Variants in ARNT2 observed in about 807,000 individuals in gnomAD.
ARNT2 encodes aryl hydrocarbon receptor nuclear translocator 2.
ARNT2 carries 36 observed loss-of-function variants against 91.7 expected under a neutral mutation model. The observed-to-expected ratio is 0.39, with a 90% CI of 0.30 to 0.52. The LOEUF is 0.52. Ranked by LOEUF, ARNT2 falls within the 20% of genes least tolerant of loss-of-function variation. The pLI, the probability that ARNT2 is intolerant of heterozygous loss-of-function variation, is 0.72. For missense variants in ARNT2, 775 were observed against 939.3 expected (o/e 0.83, Z 2.29); for synonymous variants, 365 against 347.1 (o/e 1.05, Z -0.57).
At position 80,404,632 on chromosome 15, in the gene ARNT2, C is replaced by T. The variant is rs1359823923; in HGVS notation, c.31+86C>T. 14 of 919,786 alleles carry T rather than the reference C, an allele frequency of 1.5e-5. No individual in the cohort carries two copies. The highest frequency in any genetic ancestry group is 1.7e-5 in the Non-Finnish European group (13 of 765,714). The allele number at this position is 919,786 out of a possible 1,614,324, so 57.0% of individuals were successfully genotyped here. A position where few individuals can be genotyped will look rare whatever the true frequency, so the allele number is the denominator to read the frequency against. The stretch of plus-strand genomic sequence containing the variant: ...GCGGACCAGGCGCGCCGGGCGCCCC[C>T]GGGGGCGCGGAGCCGCAGCTCGGCG... On this transcript the variant is annotated intron_variant, in intron 1 of 18. Transcript: ENST00000303329. This position sits in a 1 kb window ranked among gnomAD's most constrained non-coding sequence, Gnocchi z 5.5.
chr15:80,576,829 G>A (rs761712225), intron 14 of ARNT2, 37 bp from the exon 15 acceptor site: 2 of 1,608,376 alleles, frequency 1.2e-6, no homozygotes, highest in Non-Finnish European at 1.7e-6. Context: ...GCAGAGCAGG[G>A]AACCTTCGCA....
At chr15:80,467,020 A>G (rs1312627867) in intron 3 of ARNT2, among the ~76,000 whole-genome samples, 1 of 152,232 alleles carries the variant, frequency 6.6e-6, no homozygotes, top group Non-Finnish European at 1.5e-5. Flanking sequence ...CTATGGGACA[A>G]GCTCTTTGGA....
intron 11 of ARNT2, among the ~76,000 whole-genome samples, chr15:80,557,311 G>A (rs996346385): frequency 9.2e-5 from 14 of 151,800 alleles, no homozygotes; most frequent in Non-Finnish European, 1.8e-4. Flanking sequence ...ATGCCCCAGG[G>A]ATCTCCCCTT....
intron 5 of ARNT2, among the ~76,000 whole-genome samples, chr15:80,495,942 A>ACT (rs1897121622): frequency 6.6e-6 from 1 of 152,004 alleles, no homozygotes; most frequent in Non-Finnish European, 1.5e-5. Context: ...AACATGAAGC[A>ACT]CTCTCTCTGT....
chr15:80,508,894 T>C (rs1021255470), intron 6 of ARNT2, among the ~76,000 whole-genome samples: 18 of 152,188 alleles, frequency 1.2e-4, no homozygotes, highest in African/African-American at 4.3e-4. Flanking sequence ...AAGAGAGAGC[T>C]GGGATCTTGA....
chr15:80,410,867 C>G (rs1443424136), intron 1 of ARNT2, among the ~76,000 whole-genome samples: 1 of 151,990 alleles, frequency 6.6e-6, no homozygotes, highest in African/African-American at 2.4e-5. Context: ...CTCTCTTTCT[C>G]TTTCCCTCCT....
chr15:80,437,237 C>T (rs998876054), intron 1 of ARNT2, among the ~76,000 whole-genome samples: 1 of 152,192 alleles, frequency 6.6e-6, no homozygotes, highest in Non-Finnish European at 1.5e-5. Context: ...AGGAACTGCA[C>T]GCTCGTCAGG....
At chr15:80,422,240 G>A (rs1378373990) in intron 1 of ARNT2, among the ~76,000 whole-genome samples, 2 of 152,136 alleles carry the variant, frequency 1.3e-5, no homozygotes, top group African/African-American at 2.4e-5. Context: ...CAAATTCCAA[G>A]CGAGATAAAT....
At chr15:80,480,594 T>C (rs1235930189) in intron 5 of ARNT2, among the ~76,000 whole-genome samples, 1 of 152,196 alleles carries the variant, frequency 6.6e-6, no homozygotes, top group Non-Finnish European at 1.5e-5. Context: ...TTCCCCTGCA[T>C]CATACTTCCA....
chr15:80,499,329 TGTAAAAC>T (rs1897161329), intron 5 of ARNT2, among the ~76,000 whole-genome samples: 1 of 152,140 alleles, frequency 6.6e-6, no homozygotes, highest in African/African-American at 2.4e-5. Context: ...CTGTAACACA[TGTAAAAC>T]GTTTCAGAAT....
chr15:80,476,157 G>T (rs1849744235), intron 5 of ARNT2, among the ~76,000 whole-genome samples: 2 of 152,194 alleles, frequency 1.3e-5, no homozygotes, highest in Admixed American at 6.5e-5. Context: ...CTTAAGAGGT[G>T]GTCTCAGAAG....
At chr15:80,587,918 C>T (rs1893205551) in intron 17 of ARNT2, among the ~76,000 whole-genome samples, 2 of 152,174 alleles carry the variant, frequency 1.3e-5, no homozygotes, top group African/African-American at 4.8e-5. Flanking sequence ...AGGTCCAGAT[C>T]GTGAAGGATC....
chr15:80,575,464 G>A lies in ARNT2; in HGVS notation c.1513+354G>A, dbSNP rs114353490. 3.4e-3 allele frequency among the ~76,000 whole-genome samples: 517 copies of A among 152,308 alleles called. 2 individuals carry two copies. The highest frequency in any genetic ancestry group is 0.011 in the African/African-American group (448 of 41,554). On this transcript the variant is annotated intron_variant, in intron 14 of 18. Transcript: ENST00000303329. ...GCACCCTCGATGACCGAAGGAGGGA[G>A]AACTGTCACATTGGAGCCTGCTGTC...
chr15:80,545,575 G>C (rs1438105784), intron 8 of ARNT2, among the ~76,000 whole-genome samples: 2 of 152,206 alleles, frequency 1.3e-5, no homozygotes, highest in African/African-American at 4.8e-5. Context: ...AAGCAGACAG[G>C]TTTGGTGTCC....
chr15:80,445,951 A>G (rs1248333383), intron 1 of ARNT2, among the ~76,000 whole-genome samples: 1 of 152,070 alleles, frequency 6.6e-6, no homozygotes, highest in African/African-American at 2.4e-5. Flanking sequence ...AACATTATCA[A>G]AGTGACTCAA....
chr15:80,545,730 T>G (rs544943246), intron 8 of ARNT2, among the ~76,000 whole-genome samples: 3 of 152,134 alleles, frequency 2.0e-5, no homozygotes, highest in Non-Finnish European at 4.4e-5. Context: ...TGTTAATGAG[T>G]CCCATCATTC....
At chr15:80,490,226 A>G (rs1341859519) in intron 5 of ARNT2, among the ~76,000 whole-genome samples, 3 of 152,134 alleles carry the variant, frequency 2.0e-5, no homozygotes, top group Non-Finnish European at 4.4e-5. Context: ...CTGGGAGAGT[A>G]AGTTGCACAG....
chr15:80,578,415 G>GT (rs1410572270), intron 15 of ARNT2, among the ~76,000 whole-genome samples: 12 of 152,046 alleles, frequency 7.9e-5, no homozygotes, highest in Admixed American at 7.8e-4. Flanking sequence ...TGACCACGTT[G>GT]TTCTATGACA....
chr15:80,592,696 G>C (rs1893301992), intron 18 of ARNT2, among the ~76,000 whole-genome samples: 1 of 152,228 alleles, frequency 6.6e-6, no homozygotes, highest in African/African-American at 2.4e-5. Context: ...GCCTTCGCCT[G>C]CCTCCCCTGA....
Sources: allele counts gnomAD v4.1 joint callset (sites outside exome capture counted in the v4.1 genomes callset), GRCh38; gene constraint gnomAD v4.1.1; non-coding constraint Gnocchi (gnomAD v3.1); transcripts MANE v1.5; gene names NCBI Gene and HGNC (gene_info 2026-07-23, HGNC 2026-07-21).